Variants in COLEC12 observed in about 807,000 individuals in gnomAD.
COLEC12 encodes collectin subfamily member 12.
A neutral mutation model predicts 71.1 loss-of-function variants in COLEC12; 33 were observed. The ratio of observed to expected loss-of-function variants is 0.46; its 90% CI spans 0.35 to 0.62. The LOEUF (loss-of-function observed/expected upper bound fraction) is 0.62, where lower values mean the gene tolerates loss of function less well. Ranked by LOEUF, COLEC12 falls within the 20% of genes least tolerant of loss-of-function variation. The pLI is 0.00. For synonymous variants in COLEC12, 350 were observed against 353.0 expected (o/e 0.99, Z 0.10); for missense variants, 765 against 916.1 (o/e 0.84, Z 2.13).
chr18:475,163 CA>C (rs1216595198), intron 2 of COLEC12, among the ~76,000 whole-genome samples: 1 of 152,174 alleles, frequency 6.6e-6, no homozygotes, highest in African/African-American at 2.4e-5. Context: ...TAACTTGATG[CA>C]AATGGTTTTG....
chr18:321,786 C>T lies in COLEC12; in HGVS notation c.2085G>A (p.Pro695=), dbSNP rs775979853. 5.9e-5 allele frequency: 95 copies of T among 1,613,896 alleles called. No individual in the cohort carries two copies. Among genetic ancestry groups the T allele is most frequent in the Non-Finnish European group, 6.8e-5 (80 of 1,179,978 alleles). The change falls in exon 9 of 10, where the codon CCG becomes CCA. Residue 695 remains proline (P), a synonymous_variant. Coordinates refer to ENST00000400256, the MANE Select transcript of COLEC12 (RefSeq NM_130386.3). ...PDYKNWKAGQ[P]DNWGHGHGPG... is the part of the protein sequence containing the mutation. The stretch of plus-strand genomic sequence containing the variant: ...GCCCATGGCCATGACCCCAGTTATC[C>T]GGCTGTCCAGCTTTCCAATTTCTTT...
chr18:323,269 A>C (rs1472777840), intron 8 of COLEC12, among the ~76,000 whole-genome samples: 1 of 152,216 alleles, frequency 6.6e-6, no homozygotes, highest in Non-Finnish European at 1.5e-5. Flanking sequence ...TCAATTAAAT[A>C]AACCTAGTGA....
intron 2 of COLEC12, among the ~76,000 whole-genome samples, chr18:437,537 T>C (rs1205481763): frequency 2.6e-5 from 4 of 152,196 alleles, no homozygotes; most frequent in Non-Finnish European, 4.4e-5. Flanking sequence ...ACACACAGAA[T>C]GACGAACTTG....
Position 327,811 on chromosome 18 carries a change from G to A in COLEC12, c.2063+3857C>T, listed in dbSNP as rs932343901. Among the ~76,000 whole-genome samples, 2 of 152,222 alleles carry A rather than the reference G, an allele frequency of 1.3e-5. No individual in the cohort carries two copies. Among genetic ancestry groups the A allele is most frequent in the Non-Finnish European group, 2.9e-5 (2 of 68,042 alleles). ...TCTTCCTAGCCTGGGCAAGGGATGG[G>A]ACGGTGCCAGGCCCATCGGCTTCTA... is the stretch of plus-strand genomic sequence containing the variant. On this transcript the variant is annotated intron_variant, in intron 8 of 9. Transcript: ENST00000400256. The surrounding 1 kb of genome is among the most constrained non-coding windows in gnomAD (Gnocchi z 4.0).
rs144977172 is a variant in COLEC12 at position 391,291 on chromosome 18, G to A, written c.59-33769C>T. Among the ~76,000 whole-genome samples, 6 of 152,266 alleles carry A rather than the reference G, an allele frequency of 3.9e-5. No homozygotes were observed. In the East Asian group the frequency reaches 5.8e-4, roughly 15 times the overall value. ...TGTGTGCAGGTGCCAACTGGAATGCGGTGAGTGGTACTGTGTGTGCGCAAA... is the reference window on the plus strand; with the variant it reads ...TGTGTGCAGGTGCCAACTGGAATGCAGTGAGTGGTACTGTGTGTGCGCAAA... On this transcript the variant is annotated intron_variant, in intron 2 of 9. Transcript: ENST00000400256.
chr18:419,826 G>A (rs1916061927), intron 2 of COLEC12, among the ~76,000 whole-genome samples: 1 of 152,196 alleles, frequency 6.6e-6, no homozygotes, highest in African/African-American at 2.4e-5. Flanking sequence ...GTTGGTGGGG[G>A]TGATCTCTGT....
chr18:462,180 C>T (rs4797169), intron 2 of COLEC12, among the ~76,000 whole-genome samples: 42,591 of 151,990 alleles, frequency 0.28, 6,199 homozygotes, highest in African/African-American at 0.37. Context: ...TCAGCAATTC[C>T]GCTCCTAGGT....
chr18:479,821 G>A (rs558531029), intron 2 of COLEC12, among the ~76,000 whole-genome samples: 1 of 152,218 alleles, frequency 6.6e-6, no homozygotes, highest in Non-Finnish European at 1.5e-5. Flanking sequence ...TACCACGAAC[G>A]TGCTGGCTTA....
Position 493,548 on chromosome 18 carries a change from ACT to A in COLEC12, c.7+6958_7+6959del, listed in dbSNP as rs879812651. Among the ~76,000 whole-genome samples the A allele has an allele frequency of 1.8e-4, 28 of 152,038 alleles. 1 individual carries two copies. The highest frequency in any genetic ancestry group is 1.8e-3 in the Admixed American group (27 of 15,268). On this transcript the variant is annotated intron_variant, in intron 1 of 9. Transcript: ENST00000400256. ...CTGAACCTCAAACAGGGCATGTTCT[ACT>A]CTCTACTTTGGATTCCAGTTGTTTA...
intron 2 of COLEC12, among the ~76,000 whole-genome samples, chr18:433,330 T>C (rs949486387): frequency 1.3e-5 from 2 of 152,202 alleles, no homozygotes; most frequent in Non-Finnish European, 2.9e-5. Flanking sequence ...CCTCCATCCT[T>C]GCGCTTGGAA....
At chr18:377,377 C>A (rs990139603) in intron 2 of COLEC12, among the ~76,000 whole-genome samples, 2 of 152,230 alleles carry the variant, frequency 1.3e-5, no homozygotes, top group African/African-American at 2.4e-5. Context: ...TCATAAAGAA[C>A]CCGTAGGAAT....
chr18:414,350 G>A (rs932769296), intron 2 of COLEC12, among the ~76,000 whole-genome samples: 1 of 152,154 alleles, frequency 6.6e-6, no homozygotes, highest in African/African-American at 2.4e-5. Context: ...AGCACTTTGG[G>A]AGGCCGAGGC....
At chr18:468,663 T>C (rs1034550400) in intron 2 of COLEC12, among the ~76,000 whole-genome samples, 13 of 152,252 alleles carry the variant, frequency 8.5e-5, no homozygotes, top group African/African-American at 2.7e-4. Context: ...TGAGCATTTA[T>C]GGAGTACCTT....
chr18:425,032 T>C (rs1166891548), intron 2 of COLEC12, among the ~76,000 whole-genome samples: 2 of 151,600 alleles, frequency 1.3e-5, no homozygotes, highest in Non-Finnish European at 2.9e-5. Context: ...TTGGTTTTTT[T>C]CCTTCTTCAA....
chr18:470,255 G>C (rs749840799), intron 2 of COLEC12, among the ~76,000 whole-genome samples: 1 of 110,890 alleles, frequency 9.0e-6, no homozygotes, highest in Non-Finnish European at 1.7e-5. Context: ...TTTTTGAGAC[G>C]GAGTCTCGCT....
rs558241246 is a variant in COLEC12, at chr18:495,572, A to G, written c.7+4936T>C. 2.0e-5 allele frequency among the ~76,000 whole-genome samples: 3 copies of G among 152,346 alleles called. No homozygotes were observed. In the South Asian group the frequency reaches 6.2e-4, roughly 32 times the overall value. On this transcript the variant is annotated intron_variant, in intron 1 of 9. Transcript: ENST00000400256. ...CTGAAATCTGCTTTATCTTTGCAAC[A>G]GCTCCAGTTTAGAGCGTCTCCTCCA...
intron 2 of COLEC12, among the ~76,000 whole-genome samples, chr18:367,097 CATGT>C (rs565959259): frequency 6.6e-6 from 1 of 152,164 alleles, no homozygotes; most frequent in South Asian, 2.1e-4. Flanking sequence ...TTCAAAACTC[CATGT>C]GATAGGGCCA....
intron 5 of COLEC12, among the ~76,000 whole-genome samples, chr18:339,776 A>G (rs565463354): frequency 2.6e-5 from 4 of 152,192 alleles, no homozygotes; most frequent in African/African-American, 9.6e-5. Flanking sequence ...GATTCACATA[A>G]TCTACTTTGG....
At chr18:422,469 T>C (rs1352822071) in intron 2 of COLEC12, among the ~76,000 whole-genome samples, 3 of 152,162 alleles carry the variant, frequency 2.0e-5, no homozygotes, top group Non-Finnish European at 4.4e-5. Flanking sequence ...AAAATGTTTA[T>C]TAAGTGCCAG....
Sources: allele counts gnomAD v4.1 joint callset (sites outside exome capture counted in the v4.1 genomes callset), GRCh38; gene constraint gnomAD v4.1.1; non-coding constraint Gnocchi (gnomAD v3.1); transcripts MANE v1.5; gene names NCBI Gene and HGNC (gene_info 2026-07-23, HGNC 2026-07-21).